Variants in CIZ1 observed in about 807,000 individuals in gnomAD.
CIZ1 encodes CDKN1A interacting zinc finger protein 1, also known as cip1-interacting zinc finger protein.
A neutral mutation model predicts 118.6 loss-of-function variants in CIZ1; 58 were observed. The observed-to-expected ratio is 0.49, with a 90% CI of 0.40 to 0.61. The LOEUF is 0.61. Among genes scored for constraint, CIZ1 ranks in the 20% least tolerant of loss-of-function variants. The probability of loss-of-function intolerance (pLI) is 0.00; values close to 1 mark genes in which losing one functional copy is unlikely to be tolerated. For missense variants in CIZ1, 921 were observed against 1,115.9 expected (o/e 0.83, Z 2.49); for synonymous variants, 448 against 443.4 (o/e 1.01, Z -0.13).
At chr9:128,178,289 G>A in intron 9 of CIZ1, 80 bp downstream of exon 9, 8 of 1,484,716 alleles carry the variant, frequency 5.4e-6, no homozygotes, top group African/African-American at 2.8e-5. Context: ...AGGCCCTGAG[G>A]TGGCCTGGGG....
upstream of CIZ1, among the ~76,000 whole-genome samples, chr9:128,192,776 C>G (rs1395926718): frequency 1.3e-5 from 2 of 152,332 alleles, no homozygotes; most frequent in Admixed American, 1.3e-4. Context: ...CTCCTGACCT[C>G]AAGTGATTCG....
intron 4 of CIZ1, among the ~76,000 whole-genome samples, chr9:128,186,411 C>G (rs1832381444): frequency 6.6e-6 from 1 of 152,086 alleles, no homozygotes; most frequent in Non-Finnish European, 1.5e-5. Context: ...GCAAGCCATC[C>G]CCACATACTA....
chr9:128,183,351 T>C (rs1012924994), intron 5 of CIZ1, among the ~76,000 whole-genome samples: 4 of 152,138 alleles, frequency 2.6e-5, no homozygotes, highest in Admixed American at 2.0e-4. Context: ...CCTGGGTTTT[T>C]CCATACGTAA....
chr9:128,177,841 C>T (rs1222110298), intron 9 of CIZ1, 78 bp from the exon 10 acceptor site: 2 of 1,063,078 alleles, frequency 1.9e-6, no homozygotes, highest in Non-Finnish European at 2.7e-6. Flanking sequence ...CATCTGCCAA[C>T]GTTGTCTCAT....
chr9:128,174,032 A>C (rs11789858), intron 11 of CIZ1, among the ~76,000 whole-genome samples: 82 of 136,744 alleles, frequency 6.0e-4, no homozygotes, highest in Admixed American at 4.5e-4. Context: ...AACAAAAAAA[A>C]AAAACAAAGA....
Position 128,185,736 on chromosome 9 carries a change from T to C in CIZ1, c.399A>G (p.Ala133=), listed in dbSNP as rs778708878. 86 of 1,613,178 alleles carry C rather than the reference T, an allele frequency of 5.3e-5. No individual in the cohort carries two copies. The highest frequency in any genetic ancestry group is 6.9e-5 in the Non-Finnish European group (81 of 1,179,638). The change falls in exon 5 of 17, where the codon GCA becomes GCG. Residue 133 remains alanine (A), a synonymous_variant. Transcript: ENST00000372938. The stretch of plus-strand genomic sequence containing the variant: ...GTTGTGGGGGTGTGAGGCTGGGGGC[T>C]GCGAGGCCTGGGGATGCCATGCCAT... The part of the protein sequence containing the change: ...RGYGMASPGL[A]APSLTPPQLA...
At chr9:128,176,555 C>T in intron 10 of CIZ1, 80 bp from the exon 11 acceptor site, 1 of 1,428,040 alleles carries the variant, frequency 7.0e-7, no homozygotes, top group Non-Finnish European at 9.5e-7. Context: ...GGGAGGCAGA[C>T]CCCAGCCTCA....
chr9:128,175,315 A>G lies in CIZ1; in HGVS notation c.1943+1036T>C, dbSNP rs145741635. Among the ~76,000 whole-genome samples, 16 of 152,264 alleles carry G rather than the reference A, an allele frequency of 1.1e-4. No homozygotes were observed. The East Asian group carries it at 3.1e-3, about 29-fold the overall frequency. ...AGATCATTTCCCGTTAGATTTTTTC[A>G]TCATGATACTAATAGCAAAGAACGT... On this transcript the variant is annotated intron_variant, in intron 11 of 16. Coordinates refer to ENST00000372938, the MANE Select transcript of CIZ1 (RefSeq NM_001131016.2).
At chr9:128,170,353 T>C (rs1310039467) in intron 11 of CIZ1, among the ~76,000 whole-genome samples, 1 of 152,202 alleles carries the variant, frequency 6.6e-6, no homozygotes, top group Non-Finnish European at 1.5e-5. Context: ...CAAGCTACAA[T>C]AGATAAAACT....
upstream of CIZ1, among the ~76,000 whole-genome samples, chr9:128,193,410 C>A (rs1001059537): frequency 6.6e-6 from 1 of 152,064 alleles, no homozygotes; most frequent in African/African-American, 2.4e-5. Flanking sequence ...AGGGGCGAGT[C>A]AAGACTGCCC....
upstream of CIZ1, among the ~76,000 whole-genome samples, chr9:128,196,170 A>G (rs576500231): frequency 1.3e-5 from 2 of 152,260 alleles, no homozygotes; most frequent in East Asian, 1.9e-4. Flanking sequence ...CCTGGACCTC[A>G]TTAGAATTTT....
chr9:128,196,374 C>A (rs1174251371), upstream of CIZ1, among the ~76,000 whole-genome samples: 1 of 151,888 alleles, frequency 6.6e-6, no homozygotes, highest in Admixed American at 6.6e-5. Flanking sequence ...ATAGGGAGAT[C>A]ACCGTCTCTA....
In CIZ1 at chr9:128,166,689, C is replaced by T; in HGVS notation, c.2487+70G>A. ...CTGCACAAGAGGGAGTGGCCACTAG[C>T]CACCCGAATCAGCTTGGATTAAGAC... On this transcript the variant is annotated intron_variant, in intron 16 of 16. Transcript: ENST00000372938. The surrounding 1 kb of genome is among the most constrained non-coding windows in gnomAD (Gnocchi z 4.4). The T allele has an allele frequency of 6.2e-7, 1 of 1,602,560 alleles. No individual in the cohort carries two copies. The highest frequency in any genetic ancestry group is 1.3e-5 in the African/African-American group (1 of 74,838).
chr9:128,177,823 G>T, intron 9 of CIZ1, 60 bp from the exon 10 acceptor site: 1 of 1,196,830 alleles, frequency 8.4e-7, no homozygotes, highest in Non-Finnish European at 1.2e-6. Context: ...GGCCAGCCCA[G>T]CATTCAACAT....
At chr9:128,175,875 T>C (rs1443259996) in intron 11 of CIZ1, among the ~76,000 whole-genome samples, 1 of 152,036 alleles carries the variant, frequency 6.6e-6, no homozygotes, top group Non-Finnish European at 1.5e-5. Flanking sequence ...TGAAAGCACC[T>C]CTGGCTGCCT....
rs1554753986 is a variant in CIZ1, at chr9:128,172,172, A to AAAAAAG, written c.1944-2071_1944-2066dup. Among the ~76,000 whole-genome samples the AAAAAAG allele has an allele frequency of 3.3e-3, 397 of 121,290 alleles. 59 individuals carry two copies. Among genetic ancestry groups the AAAAAAG allele is most frequent in the Non-Finnish European group, 3.7e-3 (223 of 60,132 alleles). 79.6% of individuals were successfully genotyped at this position (121,290 alleles called of 152,430 possible). On this transcript the variant is annotated intron_variant, in intron 11 of 16. Transcript: ENST00000372938. ...CAAAAAAAAAAAAAAAAAAAAAAAA[A>AAAAAAG]AAAAAGAAAAAAGAAAAGCCAAATA...
rs919005830 is a variant in CIZ1 at position 128,203,654 on chromosome 9, C to A, written c.-6+532G>T. On this transcript the variant is annotated intron_variant, in intron 1 of 17. Transcript: ENST00000372948. The surrounding 1 kb of genome is among the most constrained non-coding windows in gnomAD (Gnocchi z 5.3). The stretch of plus-strand genomic sequence containing the variant: ...CAGGTAGGCGCGGCGCGCCCCCAGG[C>A]GCCGACCCCCGACCCCCGGGATCCC... 5.3e-6 allele frequency: 8 copies of A among 1,498,838 alleles called. No homozygotes were observed. In the African/African-American group the frequency reaches 1.0e-4, roughly 19 times the overall value. The allele number at this position is 1,498,838 out of a possible 1,614,324, so 92.8% of individuals were successfully genotyped here. A position where few individuals can be genotyped will look rare whatever the true frequency, so the allele number is the denominator to read the frequency against.
intron 11 of CIZ1, among the ~76,000 whole-genome samples, chr9:128,172,147 CAAAAAAAAAAAAAAAAA>C (rs58895140): frequency 8.7e-5 from 6 of 69,170 alleles, no homozygotes; most frequent in East Asian, 9.2e-4. Context: ...GACACTGTCT[CAAAAAAAAAAAAAAAAA>C]AAAAAAAAAA....
At chr9:128,181,267 C>A (rs937676403) in intron 5 of CIZ1, among the ~76,000 whole-genome samples, 3 of 152,170 alleles carry the variant, frequency 2.0e-5, no homozygotes, top group Non-Finnish European at 4.4e-5. Context: ...AGGCACACGC[C>A]ACCACGCCTG....
Sources: gnomAD v4.1 joint callset for allele counts (sites outside exome capture counted in the v4.1 genomes callset) on GRCh38, gnomAD v4.1.1 for gene constraint, Gnocchi (gnomAD v3.1) non-coding constraint, MANE v1.5 for transcripts, NCBI Gene and HGNC (gene_info 2026-07-23, HGNC 2026-07-21) for gene names.